The following GRM8 variants were observed in gnomAD, a reference collection of about 807,000 sequenced individuals.
GRM8 encodes the protein metabotropic glutamate receptor 8.
GRM8 carries 47 observed loss-of-function variants against 87.2 expected under a neutral mutation model. The ratio of observed to expected loss-of-function variants is 0.54; its 90% CI spans 0.43 to 0.69. GRM8 has a LOEUF of 0.69. Ranked by LOEUF, GRM8 falls within the 30% of genes least tolerant of loss-of-function variation. The probability of loss-of-function intolerance (pLI) is 0.00; values close to 1 mark genes in which losing one functional copy is unlikely to be tolerated. For missense variants in GRM8, 1,019 were observed against 1,139.2 expected, an observed-to-expected ratio of 0.89 and a Z score of 1.52; for synonymous variants, 396 against 404.5, an observed-to-expected ratio of 0.98 and a Z score of 0.25.
At chr7:126,670,449 A>G (rs1806255207) in intron 7 of GRM8, among the ~76,000 whole-genome samples, 1 of 152,202 alleles carries the variant, frequency 6.6e-6, no homozygotes, top group Non-Finnish European at 1.5e-5. Context: ...ATCATAATTA[A>G]GGTTGTTATG....
chr7:126,815,182 C>A (rs985859317), intron 6 of GRM8, among the ~76,000 whole-genome samples: 1 of 152,020 alleles, frequency 6.6e-6, no homozygotes, highest in African/African-American at 2.4e-5. Flanking sequence ...CTGTCCAGTT[C>A]GTGACAAAAA....
chr7:126,463,268 T>C (rs1489969025), intron 9 of GRM8, among the ~76,000 whole-genome samples: 1 of 151,548 alleles, frequency 6.6e-6, no homozygotes, highest in Non-Finnish European at 1.5e-5. Flanking sequence ...CTCAGACTAC[T>C]ATGTGAGTGG....
intron 8 of GRM8, among the ~76,000 whole-genome samples, chr7:126,540,153 T>C (rs1246010757): frequency 6.6e-6 from 1 of 152,098 alleles, no homozygotes; most frequent in South Asian, 2.1e-4. Flanking sequence ...ATAAATTGAA[T>C]AGACATGTCC....
At chr7:126,744,824 T>C (rs943965105) in intron 7 of GRM8, among the ~76,000 whole-genome samples, 3 of 151,980 alleles carry the variant, frequency 2.0e-5, no homozygotes, top group Non-Finnish European at 4.4e-5. Context: ...GTGGAAGATA[T>C]AAGAATGCAA....
At chr7:126,911,913 G>T (rs1178508067) in intron 3 of GRM8, among the ~76,000 whole-genome samples, 1 of 152,160 alleles carries the variant, frequency 6.6e-6, no homozygotes. Context: ...AGAAAAGATT[G>T]GCTGGGCGGG....
At chr7:126,841,662 C>T (rs1358463246) in intron 6 of GRM8, among the ~76,000 whole-genome samples, 1 of 150,542 alleles carries the variant, frequency 6.6e-6, no homozygotes, top group Non-Finnish European at 1.5e-5. Flanking sequence ...GACTCTCGCT[C>T]TATCACCCAG....
intron 9 of GRM8, among the ~76,000 whole-genome samples, chr7:126,446,835 T>A (rs10252001): frequency 0.61 from 93,013 of 151,682 alleles, 28,584 homozygotes; most frequent in Middle Eastern, 0.75. Context: ...ATTACACACC[T>A]GTGCTTGAAT....
intron 7 of GRM8, among the ~76,000 whole-genome samples, chr7:126,624,069 C>T (rs1266001002): frequency 6.6e-6 from 1 of 152,178 alleles, no homozygotes; most frequent in African/African-American, 2.4e-5. Flanking sequence ...ATAACCTCTC[C>T]CTGAACTCTT....
intron 3 of GRM8, among the ~76,000 whole-genome samples, chr7:127,070,111 A>T (rs1161410833): frequency 6.6e-6 from 1 of 152,210 alleles, no homozygotes; most frequent in Admixed American, 6.5e-5. Flanking sequence ...AGCTTTCAAC[A>T]TCTAACTTGT....
intron 8 of GRM8, among the ~76,000 whole-genome samples, chr7:126,578,738 T>C (rs188759497): frequency 2.8e-4 from 42 of 152,328 alleles, no homozygotes; most frequent in Non-Finnish European, 5.3e-4. Flanking sequence ...TAAAGGCACA[T>C]TAATAAAAAT....
intron 2 of GRM8, among the ~76,000 whole-genome samples, chr7:127,178,096 A>G (rs370801536): frequency 2.6e-5 from 4 of 152,334 alleles, no homozygotes; most frequent in South Asian, 4.1e-4. Context: ...AGGAAATCCA[A>G]AAAATAATGC....
intron 3 of GRM8, among the ~76,000 whole-genome samples, chr7:127,008,616 C>A (rs1160047439): frequency 1.3e-5 from 2 of 152,078 alleles, no homozygotes; most frequent in South Asian, 4.2e-4. Context: ...TTTACCTAAG[C>A]CTTGTTTTTG....
At position 126,438,816 on chromosome 7, in the gene GRM8, T is replaced by C; in HGVS notation, c.*303A>G. The C allele has an allele frequency of 3.5e-6, 1 of 282,864 alleles. No individual in the cohort carries two copies. The highest frequency in any genetic ancestry group is 6.5e-6 in the Non-Finnish European group (1 of 152,774). 17.5% of individuals were successfully genotyped at this position (282,864 alleles called of 1,614,324 possible). ...ATACAAGAATAACATCAGACATTAT[T>C]TATTTCAACAGCATTTTTTTTCACG... On this transcript the variant is annotated 3_prime_UTR_variant, in exon 11 of 11. Transcript: ENST00000339582.
intron 9 of GRM8, among the ~76,000 whole-genome samples, chr7:126,500,835 T>C (rs1809531110): frequency 6.6e-6 from 1 of 151,796 alleles, no homozygotes; most frequent in Non-Finnish European, 1.5e-5. Context: ...CAAAAGGGGG[T>C]TTGACTTTTT....
intron 10 of GRM8, 138 bp downstream of exon 10, chr7:126,445,988 G>A: frequency 2.1e-6 from 2 of 958,930 alleles, no homozygotes; most frequent in Non-Finnish European, 3.3e-6. Flanking sequence ...TAAATGTGAT[G>A]GTGTCACGGT....
chr7:127,147,619 C>T (rs917384753), intron 2 of GRM8, among the ~76,000 whole-genome samples: 1 of 152,032 alleles, frequency 6.6e-6, no homozygotes, highest in African/African-American at 2.4e-5. Context: ...ATCCTCTAAT[C>T]CACATTTGCC....
chr7:126,803,127 G>A (rs1475047285), intron 6 of GRM8, among the ~76,000 whole-genome samples: 1 of 152,220 alleles, frequency 6.6e-6, no homozygotes, highest in Non-Finnish European at 1.5e-5. Context: ...CTTGGTGCCT[G>A]TGAGGCCCCA....
chr7:126,797,963 G>C (rs1822157748), intron 6 of GRM8, among the ~76,000 whole-genome samples: 2 of 152,060 alleles, frequency 1.3e-5, no homozygotes. Flanking sequence ...AAAATGATTT[G>C]AGATTGTCTT....
intron 7 of GRM8, among the ~76,000 whole-genome samples, chr7:126,703,519 A>G (rs1360453093): frequency 1.3e-5 from 2 of 152,202 alleles, no homozygotes; most frequent in Admixed American, 6.5e-5. Flanking sequence ...ACGTTTTAAC[A>G]TAAGAGTCAG....
Sources: gnomAD v4.1 joint callset for allele counts (sites outside exome capture counted in the v4.1 genomes callset) on GRCh38, gnomAD v4.1.1 for gene constraint, MANE v1.5 for transcripts, NCBI Gene and HGNC (gene_info 2026-07-23, HGNC 2026-07-21) for gene names.